Variants in CCDC192 observed in about 807,000 individuals in gnomAD.
CCDC192 encodes the protein coiled-coil domain-containing protein 192.
At chr5:127,781,576 C>CTT (rs1223496970) in intron 3 of CCDC192, among the ~76,000 whole-genome samples, 19 of 124,128 alleles carry the variant, frequency 1.5e-4, no homozygotes, top group African/African-American at 2.1e-4. Flanking sequence ...CTAAGTATTC[C>CTT]TTTTTTTTTT....
In CCDC192 at chr5:127,875,731, C is replaced by T. The variant is rs762367591; in HGVS notation, c.535+70C>T. The stretch of plus-strand genomic sequence containing the variant: ...GTGATGTATGTAGTTGTATTGGCAA[C>T]GAAGCAAAAAAAACGAGGCTACAGG... On this transcript the variant is annotated intron_variant, in intron 6 of 6. Coordinates refer to ENST00000514853, the MANE Select transcript of CCDC192 (RefSeq NM_001317938.2). 16 of 396,298 alleles carry T rather than the reference C, an allele frequency of 4.0e-5. No individual in the cohort carries two copies. In the South Asian group the frequency reaches 6.6e-4, roughly 16 times the overall value. The allele number at this position is 396,298 out of a possible 1,614,324, so 24.5% of individuals were successfully genotyped here.
At chr5:127,793,653 A>G (rs996131159) in intron 3 of CCDC192, among the ~76,000 whole-genome samples, 2 of 152,208 alleles carry the variant, frequency 1.3e-5, no homozygotes, top group African/African-American at 4.8e-5. Context: ...TACAATGAAG[A>G]TAACAAAAAA....
intron 6 of CCDC192, among the ~76,000 whole-genome samples, chr5:127,885,144 G>C (rs145383857): frequency 1.2e-3 from 181 of 151,322 alleles, no homozygotes; most frequent in Non-Finnish European, 2.1e-3. Flanking sequence ...TCTTCCCTCT[G>C]TATCCAGAGA....
chr5:127,786,047 C>A, intron 3 of CCDC192: 1 of 659,380 alleles, frequency 1.5e-6, no homozygotes, highest in Admixed American at 2.3e-5. Context: ...TTTTTCAATT[C>A]TCCTAGGTCA....
chr5:127,722,310 A>AC (rs1411525703), intron 2 of CCDC192, among the ~76,000 whole-genome samples: 1 of 145,480 alleles, frequency 6.9e-6, no homozygotes, highest in African/African-American at 2.6e-5. Context: ...TAATTAGAGT[A>AC]CTTTTTTTTT....
chr5:127,871,937 A>G (rs1751881614), intron 5 of CCDC192, among the ~76,000 whole-genome samples: 1 of 152,224 alleles, frequency 6.6e-6, no homozygotes, highest in African/African-American at 2.4e-5. Flanking sequence ...GAGAGTTCCT[A>G]GTTACTAAGG....
chr5:127,707,364 C>T (rs1751029851), intron 1 of CCDC192, among the ~76,000 whole-genome samples: 1 of 150,674 alleles, frequency 6.6e-6, no homozygotes, highest in African/African-American at 2.4e-5. Flanking sequence ...AAGAATTCTC[C>T]ACGTCTGCTG....
At chr5:127,767,909 C>G (rs1228001659) in intron 3 of CCDC192, among the ~76,000 whole-genome samples, 1 of 152,080 alleles carries the variant, frequency 6.6e-6, no homozygotes, top group Non-Finnish European at 1.5e-5. Flanking sequence ...ACTCCCAGTA[C>G]CCTAGAACAT....
At chr5:127,840,805 C>G (rs1334593707) in intron 5 of CCDC192, among the ~76,000 whole-genome samples, 1 of 152,182 alleles carries the variant, frequency 6.6e-6, no homozygotes, top group Non-Finnish European at 1.5e-5. Context: ...TCATATTGCT[C>G]ACTTAAGGGT....
chr5:127,780,413 G>A (rs1336293382), intron 3 of CCDC192, among the ~76,000 whole-genome samples: 1 of 152,156 alleles, frequency 6.6e-6, no homozygotes, highest in Non-Finnish European at 1.5e-5. Context: ...TTTCCATAGT[G>A]GTTGTACTAA....
chr5:127,855,321 T>C (rs1751016571), intron 5 of CCDC192, among the ~76,000 whole-genome samples: 1 of 152,252 alleles, frequency 6.6e-6, no homozygotes, highest in Non-Finnish European at 1.5e-5. Flanking sequence ...ATCTTTCTCA[T>C]CCACAAGGAG....
intron 5 of CCDC192, among the ~76,000 whole-genome samples, chr5:127,846,262 C>G (rs552353796): frequency 2.7e-5 from 4 of 149,082 alleles, no homozygotes; most frequent in Admixed American, 6.7e-5. Context: ...GCACTCCAGC[C>G]TGGGCGACAG....
chr5:127,717,928 C>CAAAAAAAAA, intron 2 of CCDC192, among the ~76,000 whole-genome samples: 130 of 97,648 alleles, frequency 1.3e-3, no homozygotes, highest in Middle Eastern at 0.01. Context: ...TAAAGCTAGA[C>CAAAAAAAAA]AAAAAAAAAA....
chr5:127,828,207 A>G (rs1172129329), intron 5 of CCDC192, among the ~76,000 whole-genome samples: 2 of 152,178 alleles, frequency 1.3e-5, no homozygotes, highest in Non-Finnish European at 2.9e-5. Flanking sequence ...ACGCCTGGCA[A>G]TTTGCTAAGA....
intron 3 of CCDC192, chr5:127,786,597 T>C (rs1468843884): frequency 1.4e-6 from 1 of 734,184 alleles, no homozygotes; most frequent in Admixed American, 1.8e-5. Flanking sequence ...CTTTCGTCCT[T>C]TGTCACATTC....
chr5:127,859,998 C>T (rs1751288479), intron 5 of CCDC192, among the ~76,000 whole-genome samples: 1 of 152,100 alleles, frequency 6.6e-6, no homozygotes, highest in Non-Finnish European at 1.5e-5. Context: ...GAATGACTTC[C>T]TCCTTGTACC....
chr5:127,725,190 G>T (rs946609750), intron 2 of CCDC192, among the ~76,000 whole-genome samples: 2 of 152,178 alleles, frequency 1.3e-5, no homozygotes, highest in East Asian at 1.9e-4. Context: ...GTGTGATACA[G>T]TCTGTCCTGT....
chr5:127,934,645 A>T (rs2011576), intron 6 of CCDC192, among the ~76,000 whole-genome samples: 114 of 152,168 alleles, frequency 7.5e-4, no homozygotes, highest in African/African-American at 2.7e-3. Context: ...AAATATTTGT[A>T]CTACAATACA....
intron 5 of CCDC192, among the ~76,000 whole-genome samples, chr5:127,801,058 G>C (rs975481583): frequency 6.6e-6 from 1 of 152,132 alleles, no homozygotes; most frequent in Non-Finnish European, 1.5e-5. Flanking sequence ...ATAAAAATCT[G>C]TGTGTAAAGA....
Sources: gnomAD v4.1 joint callset for allele counts (sites outside exome capture counted in the v4.1 genomes callset) on GRCh38, gnomAD v4.1.1 for gene constraint, MANE v1.5 for transcripts, NCBI Gene and HGNC (gene_info 2026-07-23, HGNC 2026-07-21) for gene names.